Variants in BTD observed in about 807,000 individuals in gnomAD.
BTD encodes the protein biotinidase, also known as biocytinase.
Under a neutral mutation model 17.7 loss-of-function variants are expected in BTD, and 13 were observed. That is an observed-to-expected ratio of 0.74 (90% CI 0.48 to 1.17). The LOEUF (loss-of-function observed/expected upper bound fraction) is 1.17, where lower values mean the gene tolerates loss of function less well. Ranked by LOEUF, BTD falls within the 50% of genes most tolerant of loss-of-function variation. The pLI, the probability that BTD is intolerant of heterozygous loss-of-function variation, is 0.00. For synonymous variants in BTD, 240 were observed against 245.2 expected, an observed-to-expected ratio of 0.98 and a Z score of 0.20; for missense variants, 674 against 650.4, an observed-to-expected ratio of 1.04 and a Z score of -0.39.
chr3:15,677,651 G>C, intron 3 of BTD: 1 of 936,178 alleles, frequency 1.1e-6, no homozygotes, highest in Non-Finnish European at 1.6e-6. Flanking sequence ...AAGATACAAA[G>C]CAAAAAAGTC....
At position 15,645,598 on chromosome 3, in the gene BTD, C is replaced by A; in HGVS notation, c.*110C>A. 1.6e-6 allele frequency: 2 copies of A among 1,277,668 alleles called. No individual in the cohort carries two copies. The highest frequency in any genetic ancestry group is 2.2e-6 in the Non-Finnish European group (2 of 923,236). The allele number at this position is 1,277,668 out of a possible 1,614,324, so 79.1% of individuals were successfully genotyped here. On this transcript the variant is annotated 3_prime_UTR_variant, in exon 4 of 4. Coordinates refer to ENST00000643237, the MANE Select transcript of BTD (RefSeq NM_001370658.1). ...TTTCTGCCTTAAGGGCAGGAGCCCA[C>A]TTCTGTGGCACCAGATTCCACCCTG... is the stretch of plus-strand genomic sequence containing the variant.
intron 3 of BTD, among the ~76,000 whole-genome samples, chr3:15,659,329 G>A (rs1482662861): frequency 7.1e-6 from 1 of 140,770 alleles, no homozygotes; most frequent in African/African-American, 3.1e-5. Context: ...GCAGATCCAT[G>A]CCTGGGAAGG....
intron 2 of BTD, among the ~76,000 whole-genome samples, chr3:15,640,749 A>T (rs1245809472): frequency 6.6e-6 from 1 of 152,182 alleles, no homozygotes; most frequent in African/African-American, 2.4e-5. Flanking sequence ...ATTTATTATT[A>T]TCTCCATTAT....
chr3:15,671,587 TTG>T (rs1415340141), intron 3 of BTD, among the ~76,000 whole-genome samples: 6 of 150,286 alleles, frequency 4.0e-5, no homozygotes, highest in African/African-American at 1.5e-4. Flanking sequence ...AGTTTTTTTT[TTG>T]TTTTTTTTTT....
Position 15,635,363 on chromosome 3 carries a change from C to T in BTD, c.-16-61C>T, listed in dbSNP as rs936995141. On this transcript the variant is annotated intron_variant, in intron 1 of 3. Transcript: ENST00000643237. The surrounding 1 kb of genome is among the most constrained non-coding windows in gnomAD (Gnocchi z 4.1). ...GGGATTAATAAATCACAGCTGCAAA[C>T]GTTAAATTCTTGGCAGGATTCTTTA... 18 of 1,610,212 alleles carry T rather than the reference C, an allele frequency of 1.1e-5. No individual in the cohort carries two copies. The highest frequency in any genetic ancestry group is 1.6e-4 in the Middle Eastern group (1 of 6,080).
chr3:15,714,749 TATAACTA>T, downstream of BTD: 1 of 812,928 alleles, frequency 1.2e-6, no homozygotes, highest in Non-Finnish European at 1.8e-6. Context: ...TCTTTATTTT[TATAACTA>T]TTTTACATGA....
intron 3 of BTD, among the ~76,000 whole-genome samples, chr3:15,698,130 C>T (rs112522073): frequency 2.0e-5 from 3 of 151,990 alleles, no homozygotes; most frequent in African/African-American, 7.2e-5. Context: ...ATTAGTCTTG[C>T]TAGCGGTCTG....
chr3:15,603,446 A>G (rs1377909217), intron 1 of BTD, among the ~76,000 whole-genome samples: 3 of 152,146 alleles, frequency 2.0e-5, no homozygotes, highest in Non-Finnish European at 2.9e-5. Flanking sequence ...TCATGAGGTC[A>G]AGAGATGGAG....
downstream of BTD, chr3:15,714,685 T>C (rs770372660): frequency 1.3e-6 from 2 of 1,497,956 alleles, no homozygotes; most frequent in African/African-American, 1.4e-5. Flanking sequence ...AATTACTCAC[T>C]CTACTATATC....
rs2065757077 is a variant in BTD at position 15,649,141 on chromosome 3, C to A, written c.*3653C>A. On this transcript the variant is annotated 3_prime_UTR_variant, in exon 4 of 4. Transcript: ENST00000643237. ...GGAAACAAATACAGAGGATCACTTG[C>A]AAAATGGCCCATTCACACAGCTGGC... Among the ~76,000 whole-genome samples the A allele has an allele frequency of 6.6e-6, 1 of 152,210 alleles. No individual in the cohort carries two copies. Among genetic ancestry groups the A allele is most frequent in the Non-Finnish European group, 1.5e-5 (1 of 68,040 alleles).
intron 2 of BTD, among the ~76,000 whole-genome samples, chr3:15,637,144 G>A (rs1304014877): frequency 6.6e-6 from 1 of 152,070 alleles, no homozygotes; most frequent in African/African-American, 2.4e-5. Flanking sequence ...GATCCCCCTG[G>A]CATCTGTCCC....
intron 1 of BTD, among the ~76,000 whole-genome samples, chr3:15,630,916 A>C (rs1289020813): frequency 6.6e-6 from 1 of 152,188 alleles, no homozygotes. Flanking sequence ...GGGGCCGGTC[A>C]CGGACAAGCT....
chr3:15,641,843 G>A, intron 2 of BTD, 65 bp from the exon 3 acceptor site: 2 of 1,210,692 alleles, frequency 1.7e-6, no homozygotes, highest in Non-Finnish European at 1.2e-6. Context: ...ACAGAAGAAT[G>A]AATGAATGCA....
At chr3:15,661,325 C>G (rs904784957) in intron 3 of BTD, among the ~76,000 whole-genome samples, 1 of 149,012 alleles carries the variant, frequency 6.7e-6, no homozygotes, top group African/African-American at 2.5e-5. Context: ...CACATCCACA[C>G]TAGCATTTGG....
intron 1 of BTD, among the ~76,000 whole-genome samples, chr3:15,613,372 T>TCA (rs1490580301): frequency 2.6e-5 from 4 of 152,242 alleles, no homozygotes; most frequent in African/African-American, 9.6e-5. Context: ...CATCATCTGA[T>TCA]TTCTTTTGCT....
chr3:15,701,435 G>A (rs753088930), intron 3 of BTD, among the ~76,000 whole-genome samples: 1 of 151,936 alleles, frequency 6.6e-6, no homozygotes, highest in Non-Finnish European at 1.5e-5. Context: ...ACCTGAGGTC[G>A]GGAGTTCAAG....
intron 3 of BTD, among the ~76,000 whole-genome samples, chr3:15,671,339 G>A (rs756068161): frequency 4.6e-5 from 7 of 152,050 alleles, no homozygotes; most frequent in Non-Finnish European, 1.0e-4. Flanking sequence ...GGAGAGAAGT[G>A]ATAATAGTGT....
chr3:15,708,917 G>A (rs562384657), intron 3 of BTD, among the ~76,000 whole-genome samples: 1 of 152,174 alleles, frequency 6.6e-6, no homozygotes, highest in African/African-American at 2.4e-5. Flanking sequence ...ACTTTGCTAT[G>A]TATAATTCTC....
rs115332382 is a variant in BTD at position 15,659,342 on chromosome 3, G to A, written c.399+17285G>A. On this transcript the variant is annotated intron_variant, in intron 3 of 3. Transcript: ENST00000672141. ...AGGCAGATCCATGCCTGGGAAGGGG[G>A]GCACTCTAGGTCAGTGGCTCACTTC... Among the ~76,000 whole-genome samples the A allele has an allele frequency of 9.9e-3, 1,503 of 151,492 alleles. 18 individuals carry two copies. Among genetic ancestry groups the A allele is most frequent in the African/African-American group, 0.035 (1,433 of 41,316 alleles).
Sources: allele counts gnomAD v4.1 joint callset (sites outside exome capture counted in the v4.1 genomes callset), GRCh38; gene constraint gnomAD v4.1.1; non-coding constraint Gnocchi (gnomAD v3.1); transcripts MANE v1.5; gene names NCBI Gene and HGNC (gene_info 2026-07-23, HGNC 2026-07-21).